Variants in MUC5AC observed in about 807,000 individuals in gnomAD.
The protein encoded by MUC5AC is mucin-5AC.
A neutral mutation model predicts 169.7 loss-of-function variants in MUC5AC; 158 were observed. The ratio of observed to expected loss-of-function variants is 0.93; its 90% CI spans 0.82 to 1.06. The LOEUF (loss-of-function observed/expected upper bound fraction) is 1.06, where lower values mean the gene tolerates loss of function less well. MUC5AC is among the 50% of genes least tolerant of loss of function. The pLI, the probability that MUC5AC is intolerant of heterozygous loss-of-function variation, is 0.00. For synonymous variants in MUC5AC, 1,975 were observed against 1,237.0 expected (o/e 1.60, Z -12.52); for missense variants, 4,359 against 3,089.9 (o/e 1.41, Z -9.74).
chr11:1,196,954 C>G (rs147256471), intron 40 of MUC5AC, 46 bp downstream of exon 40: 1 of 747,964 alleles, frequency 1.3e-6, no homozygotes, highest in Non-Finnish European at 2.4e-6. Context: ...TCCAAGAGCC[C>G]GAGGAGGGAG....
rs1861417158 is a variant in MUC5AC, at chr11:1,201,064, C to T, written c.*362C>T. Reference sequence around the variant, plus strand: ...GCAGGAGGAAGAACCTCACTCCTACCTCAGCCCTCAGCCTGCGCTCCCCTC... The same window carrying T: ...GCAGGAGGAAGAACCTCACTCCTACTTCAGCCCTCAGCCTGCGCTCCCCTC... On this transcript the variant is annotated 3_prime_UTR_variant, in exon 49 of 49. Transcript: ENST00000621226. 4.7e-6 allele frequency: 1 copy of T among 213,072 alleles called. No homozygotes were observed. The highest frequency in any genetic ancestry group is 5.5e-5 in the Admixed American group (1 of 18,272). 13.2% of individuals were successfully genotyped at this position (213,072 alleles called of 1,614,324 possible). A position where few individuals can be genotyped will look rare whatever the true frequency, so the allele number is the denominator to read the frequency against.
Position 1,187,240 on chromosome 11 carries a change from C to G in MUC5AC, c.9095C>G (p.Pro3032Arg), listed in dbSNP as rs1860975107. 4 of 699,158 alleles carry G rather than the reference C, an allele frequency of 5.7e-6. No individual in the cohort carries two copies. The highest frequency in any genetic ancestry group is 1.0e-5 in the Non-Finnish European group (4 of 384,286). 43.3% of individuals were successfully genotyped at this position (699,158 alleles called of 1,614,324 possible). Residue 3032 changes from proline to arginine, a missense_variant, in exon 31 of 49, where the codon CCT becomes CGT. Transcript: ENST00000621226. The part of the protein sequence containing the change: ...LAPTTSTTSA[P>R]TTSTTSTPTS... ...CCTACAACCAGCACAACCTCTGCCC[C>G]TACAACCAGCACAACCTCTACCCCT...
chr11:1,176,548 C>G lies in MUC5AC; in HGVS notation c.2537C>G (p.Pro846Arg). The change falls in exon 21 of 49, where the codon CCC (proline) becomes CGC (arginine). Residue 846 changes from proline (P) to arginine (R), a missense_variant. Coordinates refer to ENST00000621226, the MANE Select transcript of MUC5AC (RefSeq NM_001304359.2). ...SPQCVPGCVC[P>R]DGLVADGEGG... ...CAGTGTGTGCCTGGCTGCGTGTGCC[C>G]CGACGGGCTGGTGGCGGACGGCGAG... 2.5e-6 allele frequency: 1 copy of G among 399,934 alleles called. No homozygotes were observed. Among genetic ancestry groups the G allele is most frequent in the Non-Finnish European group, 4.4e-6 (1 of 227,054 alleles). 24.8% of individuals were successfully genotyped at this position (399,934 alleles called of 1,614,324 possible).
chr11:1,199,614 C>A, intron 46 of MUC5AC, 81 bp from the exon 47 acceptor site: 1 of 696,306 alleles, frequency 1.4e-6, no homozygotes, highest in Non-Finnish European at 2.6e-6. Flanking sequence ...CACTCCTGAG[C>A]CTGGCCCCAT....
rs1861022080 is a variant in MUC5AC at position 1,189,171 on chromosome 11, C to T, written c.11026C>T (p.Pro3676Ser). Residue 3676 changes from proline to serine, a missense_variant, in exon 31 of 49, where the codon CCT becomes TCT. Pro to Ser is a moderately conservative substitution (Grantham distance 74, BLOSUM62 -1). Coordinates refer to ENST00000621226, the MANE Select transcript of MUC5AC (RefSeq NM_001304359.2). ...TACACAGACCAGCACAACCTCTGCC[C>T]CTACAACTAGCACAACCCCTGCTTC... Reference protein sequence around the residue: ...STTQTSTTSAPTTSTTPASIP... With the variant: ...STTQTSTTSASTTSTTPASIP... The T allele has an allele frequency of 1.7e-6, 1 of 598,022 alleles. No individual in the cohort carries two copies. The allele number at this position is 598,022 out of a possible 1,614,324, so 37.0% of individuals were successfully genotyped here.
chr11:1,179,392 C>T (rs1227880732), intron 26 of MUC5AC, 144 bp downstream of exon 26: 8 of 467,206 alleles, frequency 1.7e-5, no homozygotes, highest in African/African-American at 1.2e-4. Context: ...GAGAGGAGGG[C>T]GTGGCTGACA....
rs926557602 is a variant in MUC5AC, at chr11:1,178,847, C to T, written c.3327+164C>T. On this transcript the variant is annotated intron_variant, in intron 25 of 48. Coordinates refer to ENST00000621226, the MANE Select transcript of MUC5AC (RefSeq NM_001304359.2). ...GACTCGCCTAGAGGGGCTGGGCTTC[C>T]AGCTCTGACACCTGTCAGCTATGGT... Among the ~76,000 whole-genome samples the T allele has an allele frequency of 4.1e-4, 63 of 152,200 alleles. 1 individual carries two copies. Among genetic ancestry groups the T allele is most frequent in the Admixed American group, 3.1e-3 (47 of 15,288 alleles).
Position 1,178,659 on chromosome 11 carries a change from C to T in MUC5AC, c.3303C>T (p.Pro1101=), listed in dbSNP as rs1453555078. Residue 1101 remains proline, a synonymous_variant, in exon 25 of 49, where the codon CCC becomes CCT. Coordinates refer to ENST00000621226, the MANE Select transcript of MUC5AC (RefSeq NM_001304359.2). ...AGCAGTGCAGCATCCTCCACGGCCCCACCTTCGCCGCCTGCCACGCACACG... is the reference window on the plus strand; with the variant it reads ...AGCAGTGCAGCATCCTCCACGGCCCTACCTTCGCCGCCTGCCACGCACACG... ...AQKQCSILHG[P]TFAACHAHVE... 1.7e-5 allele frequency: 22 copies of T among 1,329,388 alleles called. No homozygotes were observed. Among genetic ancestry groups the T allele is most frequent in the Non-Finnish European group, 2.0e-5 (21 of 1,031,794 alleles). 82.3% of individuals were successfully genotyped at this position (1,329,388 alleles called of 1,614,324 possible). A position where few individuals can be genotyped will look rare whatever the true frequency, so the allele number is the denominator to read the frequency against.
intron 1 of MUC5AC, among the ~76,000 whole-genome samples, chr11:1,159,769 C>T (rs1218998297): frequency 3.6e-4 from 32 of 89,836 alleles, no homozygotes; most frequent in Admixed American, 4.9e-4. Flanking sequence ...CAGGGCTGTG[C>T]GGGGCTGGGG....
At chr11:1,175,182 G>C in intron 18 of MUC5AC, 36 bp from the exon 19 acceptor site, 1 of 398,834 alleles carries the variant, frequency 2.5e-6, no homozygotes, top group Non-Finnish European at 4.4e-6. Context: ...GTGTCTCCTG[G>C]CCCAGGCTGA....
chr11:1,198,104 G>A, intron 42 of MUC5AC, 100 bp downstream of exon 42: 3 of 650,076 alleles, frequency 4.6e-6, no homozygotes, highest in South Asian at 1.7e-5. Flanking sequence ...CTTGTCCACT[G>A]CGGGTCTGTG....
chr11:1,171,195 A>C, intron 15 of MUC5AC, among the ~76,000 whole-genome samples: 1 of 114,538 alleles, frequency 8.7e-6, no homozygotes, highest in African/African-American at 3.8e-5. Flanking sequence ...TCACTCACTT[A>C]CTCACTCACT....
intron 15 of MUC5AC, among the ~76,000 whole-genome samples, chr11:1,169,767 C>T (rs1169578823): frequency 6.8e-6 from 1 of 146,860 alleles, no homozygotes; most frequent in Non-Finnish European, 1.5e-5. Flanking sequence ...CTCACTCACT[C>T]GCCCACTCAC....
chr11:1,178,952 G>A (rs1177064123), intron 25 of MUC5AC, 140 bp from the exon 26 acceptor site: 2 of 435,554 alleles, frequency 4.6e-6, no homozygotes, highest in Admixed American at 3.7e-5. Flanking sequence ...GGGCCCAGCC[G>A]GCCACTTGGG....
chr11:1,199,753 C>T lies in MUC5AC; in HGVS notation c.16574C>T (p.Pro5525Leu), dbSNP rs777192292. 28 of 713,700 alleles carry T rather than the reference C, an allele frequency of 3.9e-5. No individual in the cohort carries two copies. The highest frequency in any genetic ancestry group is 2.6e-4 in the South Asian group (18 of 68,766). The allele number at this position is 713,700 out of a possible 1,614,324, so 44.2% of individuals were successfully genotyped here. A position where few individuals can be genotyped will look rare whatever the true frequency, so the allele number is the denominator to read the frequency against. ...CGCTTCTGCCCGCCGCCCCCGCCCC[C>T]GTACCAGAACCGTGAGTACCCAGCC... is the stretch of plus-strand genomic sequence containing the variant. ...CCRFCPPPPP[P>L]YQNQSTCAVY... is the part of the protein sequence containing the mutation. Residue 5525 changes from proline to leucine, a missense_variant, in exon 47 of 49, where the codon CCG (proline) becomes CTG (leucine). Coordinates refer to ENST00000621226, the MANE Select transcript of MUC5AC (RefSeq NM_001304359.2).
chr11:1,191,451 G>T lies in MUC5AC; in HGVS notation c.13306G>T (p.Gly4436Cys), dbSNP rs1861094214. Reference sequence around the variant, plus strand: ...TGCCTCTACAGCCAGCACAACCTCTGGTCCTGGAACTACTCCCAGCCCTGT... The same window carrying T: ...TGCCTCTACAGCCAGCACAACCTCTTGTCCTGGAACTACTCCCAGCCCTGT... ...TPASTASTTSGPGTTPSPVPT... is the reference protein window; with the variant it reads ...TPASTASTTSCPGTTPSPVPT... The change falls in exon 31 of 49, where the codon GGT (glycine) becomes TGT (cysteine). Residue 4436 changes from glycine to cysteine, a missense_variant. Transcript: ENST00000621226. 1 of 747,946 alleles carries T rather than the reference G, an allele frequency of 1.3e-6. No homozygotes were observed. The highest frequency in any genetic ancestry group is 2.4e-6 in the Non-Finnish European group (1 of 409,064). The allele number at this position is 747,946 out of a possible 1,614,324, so 46.3% of individuals were successfully genotyped here. A position where few individuals can be genotyped will look rare whatever the true frequency, so the allele number is the denominator to read the frequency against.
At chr11:1,177,970 C>T (rs928875087) in intron 24 of MUC5AC, among the ~76,000 whole-genome samples, 4 of 152,204 alleles carry the variant, frequency 2.6e-5, no homozygotes, top group African/African-American at 9.7e-5. Context: ...CCGGGGTCCC[C>T]AGCGCTCCTT....
At position 1,165,096 on chromosome 11, in the gene MUC5AC, T is replaced by C. The variant is rs571980060; in HGVS notation, c.1130-206T>C. On this transcript the variant is annotated intron_variant, in intron 9 of 48. Coordinates refer to ENST00000621226, the MANE Select transcript of MUC5AC (RefSeq NM_001304359.2). ...GGCTGAGGCCCCTGTCCTGGCCCCC[T>C]GAGGCTGGCTGAGGCCCCTGTCCCG... is the stretch of plus-strand genomic sequence containing the variant. 1.5e-3 allele frequency among the ~76,000 whole-genome samples: 211 copies of C among 141,404 alleles called. No homozygotes were observed. In the Middle Eastern group the frequency reaches 0.015, roughly 10 times the overall value. The allele number at this position is 141,404 out of a possible 152,430, so 92.8% of individuals were successfully genotyped here. A position where few individuals can be genotyped will look rare whatever the true frequency, so the allele number is the denominator to read the frequency against.
chr11:1,188,176 C>G lies in MUC5AC; in HGVS notation c.10031C>G (p.Thr3344Ser), dbSNP rs1000753124. ...TAPSTPSGRA[T>S]SPTQSTSSWQ... ...CCTAGCACCCCTAGTGGGAGAGCCA[C>G]CAGCCCAACTCAGAGCACTTCCTCT... Residue 3344 changes from threonine (T) to serine (S), a missense_variant, in exon 31 of 49, where the codon ACC (threonine) becomes AGC (serine). Thr to Ser is a moderately conservative substitution (Grantham distance 58). Coordinates refer to ENST00000621226, the MANE Select transcript of MUC5AC (RefSeq NM_001304359.2). 1.4e-6 allele frequency: 1 copy of G among 696,250 alleles called. No individual in the cohort carries two copies. The highest frequency in any genetic ancestry group is 2.6e-6 in the Non-Finnish European group (1 of 383,642). The allele number at this position is 696,250 out of a possible 1,614,324, so 43.1% of individuals were successfully genotyped here.
Sources: allele counts gnomAD v4.1 joint callset (sites outside exome capture counted in the v4.1 genomes callset), GRCh38; gene constraint gnomAD v4.1.1; transcripts MANE v1.5; gene names NCBI Gene and HGNC (gene_info 2026-07-23, HGNC 2026-07-21).